The following EPDR1 variants were observed in gnomAD, a reference collection of about 807,000 sequenced individuals.
EPDR1 encodes the protein mammalian ependymin-related protein 1.
Under a neutral mutation model 23.7 loss-of-function variants are expected in EPDR1, and 27 were observed. The observed-to-expected ratio is 1.14, with a 90% CI of 0.84 to 1.57. EPDR1 has a LOEUF of 1.57. Ranked by LOEUF, EPDR1 falls within the 40% of genes most tolerant of loss-of-function variation. The probability of loss-of-function intolerance (pLI) is 0.00; values close to 1 mark genes in which losing one functional copy is unlikely to be tolerated. For synonymous variants in EPDR1, 137 were observed against 118.2 expected (o/e 1.16, Z -1.03); for missense variants, 349 against 290.4 (o/e 1.20, Z -1.47).
chr7:37,924,821 T>C (rs1785784390), intron 1 of EPDR1, among the ~76,000 whole-genome samples: 1 of 152,226 alleles, frequency 6.6e-6, no homozygotes, highest in African/African-American at 2.4e-5. Flanking sequence ...GTATTAACAG[T>C]CTGGCCAAGC....
intron 1 of EPDR1, among the ~76,000 whole-genome samples, chr7:37,922,135 T>C (rs1304701406): frequency 6.6e-6 from 1 of 152,188 alleles, no homozygotes; most frequent in East Asian, 1.9e-4. Flanking sequence ...CCTCTCTTTA[T>C]GGCATTTGCA....
intron 1 of EPDR1, among the ~76,000 whole-genome samples, chr7:37,928,444 C>A (rs889464035): frequency 3.3e-5 from 5 of 151,774 alleles, no homozygotes; most frequent in African/African-American, 1.2e-4. Flanking sequence ...AAATCTCATT[C>A]TCCTCTTCTA....
chr7:37,949,173 C>G, intron 2 of EPDR1, 125 bp downstream of exon 2: 1 of 818,182 alleles, frequency 1.2e-6, no homozygotes, highest in Admixed American at 2.7e-5. Flanking sequence ...AAAGCCTCCA[C>G]TTAGGTCTGC....
At chr7:37,940,575 A>G (rs1191060913) in intron 1 of EPDR1, among the ~76,000 whole-genome samples, 1 of 152,170 alleles carries the variant, frequency 6.6e-6, no homozygotes, top group African/African-American at 2.4e-5. Context: ...GATAAGAGGA[A>G]CTACAATGAA....
At chr7:37,931,470 C>T (rs577225569) in intron 1 of EPDR1, among the ~76,000 whole-genome samples, 20 of 151,742 alleles carry the variant, frequency 1.3e-4, no homozygotes, top group African/African-American at 4.4e-4. Flanking sequence ...CCTGAGATTG[C>T]GCCACTGCAC....
At chr7:37,925,745 C>T (rs1412905606) in intron 1 of EPDR1, among the ~76,000 whole-genome samples, 1 of 152,128 alleles carries the variant, frequency 6.6e-6, no homozygotes, top group Admixed American at 6.5e-5. Flanking sequence ...AATGTTGATA[C>T]TAAATCACTT....
rs777022716 is a variant in EPDR1, at chr7:37,950,245, T to C, written c.524T>C (p.Val175Ala). The C allele has an allele frequency of 1.2e-6, 2 of 1,614,140 alleles. No individual in the cohort carries two copies. The highest frequency in any genetic ancestry group is 3.3e-5 in the Admixed American group (2 of 60,008). ...GIYTVKDCYP[V>A]QETFTINYSV... is the part of the protein sequence containing the mutation. ...TATACAGTCAAGGATTGCTATCCTG[T>C]CCAGGAAACCTTTACCATAAACTAC... The change falls in exon 3 of 3, where the codon GTC (valine) becomes GCC (alanine). Residue 175 changes from valine (V) to alanine (A), a missense_variant. Transcript: ENST00000199448.
At chr7:37,935,993 CATATAT>C (rs752536687) in intron 1 of EPDR1, among the ~76,000 whole-genome samples, 893 of 45,506 alleles carry the variant, frequency 0.02, 49 homozygotes, top group African/African-American at 0.032. Context: ...CAAATCATGG[CATATAT>C]ATATATATAT....
At chr7:37,937,434 C>A (rs1171751607) in intron 1 of EPDR1, among the ~76,000 whole-genome samples, 5 of 151,846 alleles carry the variant, frequency 3.3e-5, no homozygotes, top group African/African-American at 9.7e-5. Flanking sequence ...ATAAAACCAA[C>A]AAATGGCAGG....
chr7:37,939,964 A>G (rs1338892390), intron 1 of EPDR1, among the ~76,000 whole-genome samples: 1 of 152,220 alleles, frequency 6.6e-6, no homozygotes, highest in African/African-American at 2.4e-5. Flanking sequence ...CCCTAAACAT[A>G]CAACTCCAAA....
At chr7:37,921,233 G>T (rs13240429) in intron 1 of EPDR1, 25 bp downstream of exon 1, 1 of 1,564,486 alleles carries the variant, frequency 6.4e-7, no homozygotes, top group South Asian at 1.2e-5. Flanking sequence ...CCCGCGGGGC[G>T]GGAGTAGGGA....
At chr7:37,921,400 G>T in intron 1 of EPDR1, 192 bp downstream of exon 1, 1 of 1,390,980 alleles carries the variant, frequency 7.2e-7, no homozygotes, top group Non-Finnish European at 9.3e-7. Context: ...TGCGCCCACC[G>T]AGGGCGGCCT....
chr7:37,921,465 C>T lies in EPDR1; in HGVS notation c.269+257C>T, dbSNP rs1026161465. 2.9e-6 allele frequency: 4 copies of T among 1,370,904 alleles called. No individual in the cohort carries two copies. In the East Asian group the frequency reaches 9.0e-5, roughly 31 times the overall value. 84.9% of individuals were successfully genotyped at this position (1,370,904 alleles called of 1,614,324 possible). On this transcript the variant is annotated intron_variant, in intron 1 of 2. Transcript: ENST00000199448. ...AGGCGGTGGCAGGTAAAGAAGGGAC[C>T]CATCCAGGGCGGGATCAAGCTGCAG...
At position 37,926,642 on chromosome 7, in the gene EPDR1, G is replaced by C. The variant is rs778385839; in HGVS notation, c.269+5434G>C. 1.1e-4 allele frequency: 50 copies of C among 453,198 alleles called. 1 individual carries two copies. Among genetic ancestry groups the C allele is most frequent in the South Asian group, 7.0e-4 (45 of 63,932 alleles). The allele number at this position is 453,198 out of a possible 1,614,324, so 28.1% of individuals were successfully genotyped here. A position where few individuals can be genotyped will look rare whatever the true frequency, so the allele number is the denominator to read the frequency against. On this transcript the variant is annotated intron_variant, in intron 1 of 2. Coordinates refer to ENST00000199448, the MANE Select transcript of EPDR1 (RefSeq NM_017549.5). Reference sequence around the variant, plus strand: ...GTAGAATGTTCCTTGATTTGGGTTTGTCTGATGTTTCCTCATAATTAGATT... The same window carrying C: ...GTAGAATGTTCCTTGATTTGGGTTTCTCTGATGTTTCCTCATAATTAGATT...
chr7:37,933,707 C>T (rs1785989040), intron 1 of EPDR1, among the ~76,000 whole-genome samples: 1 of 152,068 alleles, frequency 6.6e-6, no homozygotes, highest in African/African-American at 2.4e-5. Flanking sequence ...TAGGATTAGT[C>T]AAATATTTGG....
rs965487930 is a variant in EPDR1, at chr7:37,925,764, T to C, written c.269+4556T>C. On this transcript the variant is annotated intron_variant, in intron 1 of 2. Transcript: ENST00000199448. ...TTGATACTAAATCACTTTTAGGCTT[T>C]CATTTGTTAAATGCTAGGTACAGAT... Among the ~76,000 whole-genome samples the C allele has an allele frequency of 8.5e-5, 13 of 152,350 alleles. No individual in the cohort carries two copies. In the South Asian group the frequency reaches 1.4e-3, roughly 17 times the overall value.
At chr7:37,937,224 A>G (rs938599667) in intron 1 of EPDR1, among the ~76,000 whole-genome samples, 1 of 152,210 alleles carries the variant, frequency 6.6e-6, no homozygotes, top group Non-Finnish European at 1.5e-5. Flanking sequence ...CACATCTCAC[A>G]CCGTACATAA....
rs1350573722 is a variant in EPDR1, at chr7:37,921,158, C to G, written c.219C>G (p.Asn73Lys). 14 of 1,595,212 alleles carry G rather than the reference C, an allele frequency of 8.8e-6. No individual in the cohort carries two copies. Among genetic ancestry groups the G allele is most frequent in the South Asian group, 1.1e-5 (1 of 90,994 alleles). The part of the protein sequence containing the change: ...SRALLSYDGL[N>K]QRVRVLDERK... ...CCCTGCTCTCCTACGACGGGCTCAA[C>G]CAGCGCGTGCGGGTGCTGGACGAGA... is the stretch of plus-strand genomic sequence containing the variant. The change falls in exon 1 of 3, where the codon AAC (asparagine) becomes AAG (lysine). Residue 73 changes from asparagine to lysine, a missense_variant. Coordinates refer to ENST00000199448, the MANE Select transcript of EPDR1 (RefSeq NM_017549.5).
Position 37,921,055 on chromosome 7 carries a change from C to G in EPDR1, c.116C>G (p.Pro39Arg), listed in dbSNP as rs957946942. The G allele has an allele frequency of 6.5e-6, 10 of 1,543,992 alleles. No individual in the cohort carries two copies. The highest frequency in any genetic ancestry group is 8.7e-6 in the Non-Finnish European group (10 of 1,150,920). ...TGCAGCCTGGGGGCGGTGGGAGCCCCGCGCCCGTGCCAGGCGCCGCAGCAG... is the reference window on the plus strand; with the variant it reads ...TGCAGCCTGGGGGCGGTGGGAGCCCGGCGCCCGTGCCAGGCGCCGCAGCAG... ...GLCSLGAVGA[P>R]RPCQAPQQWE... The change falls in exon 1 of 3, where the codon CCG becomes CGG. Residue 39 changes from proline (P) to arginine (R), a missense_variant. Coordinates refer to ENST00000199448, the MANE Select transcript of EPDR1 (RefSeq NM_017549.5).
Sources: allele counts gnomAD v4.1 joint callset (sites outside exome capture counted in the v4.1 genomes callset), GRCh38; gene constraint gnomAD v4.1.1; transcripts MANE v1.5; gene names NCBI Gene and HGNC (gene_info 2026-07-23, HGNC 2026-07-21).